The following ERMAP variants were observed in gnomAD, a reference collection of about 807,000 sequenced individuals.
ERMAP encodes erythroid membrane-associated protein.
A neutral mutation model predicts 49.5 loss-of-function variants in ERMAP; 34 were observed. The observed-to-expected ratio is 0.69, with a 90% CI of 0.52 to 0.91. The LOEUF (loss-of-function observed/expected upper bound fraction) is 0.91, where lower values mean the gene tolerates loss of function less well. Ranked by LOEUF, ERMAP falls within the 40% of genes least tolerant of loss-of-function variation. ERMAP has a pLI of 0.00. For missense variants in ERMAP, 541 were observed against 582.6 expected (o/e 0.93, Z 0.74); for synonymous variants, 214 against 232.2 (o/e 0.92, Z 0.71).
intron 2 of ERMAP, among the ~76,000 whole-genome samples, chr1:42,828,000 T>C (rs951365638): frequency 6.6e-6 from 1 of 152,078 alleles, no homozygotes; most frequent in Non-Finnish European, 1.5e-5. Context: ...ATAAGAACTA[T>C]TATTGATTTA....
rs932276375 is a variant in ERMAP, at chr1:42,844,213, T to C, written c.*981T>C. 2.5e-6 allele frequency: 1 copy of C among 398,306 alleles called. No homozygotes were observed. Among genetic ancestry groups the C allele is most frequent in the African/African-American group, 2.1e-5 (1 of 48,618 alleles). 24.7% of individuals were successfully genotyped at this position (398,306 alleles called of 1,614,324 possible). ...AGCCTCTTAGGTTGGAGAGTATTGA[T>C]TTCAAATAGGAAGTTGGTAGACTAG... On this transcript the variant is annotated 3_prime_UTR_variant, in exon 12 of 12. Transcript: ENST00000372517. The surrounding 1 kb of genome is among the most constrained non-coding windows in gnomAD (Gnocchi z 4.0).
intron 1 of ERMAP, among the ~76,000 whole-genome samples, chr1:42,824,039 C>G (rs1472338878): frequency 6.6e-6 from 1 of 152,162 alleles, no homozygotes; most frequent in East Asian, 1.9e-4. Flanking sequence ...CAGGAAATAC[C>G]TATCAAGAAT....
chr1:42,836,913 A>AC (rs1198038128), intron 6 of ERMAP: 5 of 380,184 alleles, frequency 1.3e-5, no homozygotes, highest in Admixed American at 4.4e-5. Context: ...TAAAAAAAAA[A>AC]AAAAAACTAA....
At chr1:42,839,036 G>A in intron 8 of ERMAP, 115 bp downstream of exon 8, 1 of 1,552,186 alleles carries the variant, frequency 6.4e-7, no homozygotes, top group Non-Finnish European at 8.9e-7. Flanking sequence ...GGTAATTCAA[G>A]CCATGGGGAC....
chr1:42,824,098 A>T (rs1447607623), intron 1 of ERMAP, among the ~76,000 whole-genome samples: 1 of 152,074 alleles, frequency 6.6e-6, no homozygotes, highest in Non-Finnish European at 1.5e-5. Flanking sequence ...TAATCCCAGC[A>T]CTTTGGGAGG....
At chr1:42,841,714 C>T (rs1412073017) in intron 11 of ERMAP, among the ~76,000 whole-genome samples, 1 of 152,158 alleles carries the variant, frequency 6.6e-6, no homozygotes, top group Admixed American at 6.5e-5. Flanking sequence ...AGATGAGTAA[C>T]AAGCCCAAGG....
intron 6 of ERMAP, 105 bp downstream of exon 6, chr1:42,835,869 C>A: frequency 6.7e-7 from 1 of 1,492,606 alleles, no homozygotes; most frequent in Non-Finnish European, 8.9e-7. Flanking sequence ...ATTCCATTAT[C>A]TGCTATCCTT....
chr1:42,824,554 GT>G, intron 1 of ERMAP: 1 of 152,310 alleles, frequency 6.6e-6, no homozygotes, highest in South Asian at 2.1e-4. Flanking sequence ...CCAGAACAGA[GT>G]GTGAGGTGTG....
rs771827271 is a variant in ERMAP at position 42,840,293 on chromosome 1, T to G, written c.709T>G (p.Phe237Val). 1.2e-6 allele frequency: 2 copies of G among 1,614,208 alleles called. No homozygotes were observed. The highest frequency in any genetic ancestry group is 1.7e-6 in the Non-Finnish European group (2 of 1,180,038). The stretch of plus-strand genomic sequence containing the variant: ...AGGCTGGAGAAGAGCCCGGTTGCAT[T>G]TTGGTAAGTTATACCAATCAAATAG... ...NSGWRRARLH[F>V]VAVTLDPDTA... Residue 237 changes from phenylalanine (F) to valine (V), a missense_variant, in exon 11 of 12, where the codon TTT becomes GTT. By Grantham distance (50) the Phe-to-Val change is conservative. Coordinates refer to ENST00000372517, the MANE Select transcript of ERMAP (RefSeq NM_001017922.2).
chr1:42,825,412 G>A, intron 1 of ERMAP: 2 of 1,053,748 alleles, frequency 1.9e-6, no homozygotes, highest in South Asian at 5.2e-5. Context: ...GAGTGGAGGG[G>A]CAAACGTGCC....
chr1:42,838,121 A>G (rs945917482), intron 7 of ERMAP, among the ~76,000 whole-genome samples: 1 of 152,206 alleles, frequency 6.6e-6, no homozygotes, highest in Non-Finnish European at 1.5e-5. Context: ...AATTCTAGGC[A>G]TCTCACATTA....
chr1:42,831,569 T>TTCTTTC (rs372195180), intron 4 of ERMAP, among the ~76,000 whole-genome samples: 1 of 94,690 alleles, frequency 1.1e-5, no homozygotes, highest in Admixed American at 1.4e-4. Flanking sequence ...TTTTTTTTTT[T>TTCTTTC]TTTCTCTTTT....
intron 5 of ERMAP, 118 bp downstream of exon 5, chr1:42,835,272 AAGTTGGCTGGGAGAAAACTGGT>A (rs1359159847): frequency 1.5e-6 from 1 of 685,636 alleles, no homozygotes; most frequent in African/African-American, 1.8e-5. Context: ...GGGACACTGC[AAGTTGGCTGGGAGAAAACTGGT>A]AGAGCCATGC....
Position 42,843,351 on chromosome 1 carries a change from T to C in ERMAP, c.*119T>C, listed in dbSNP as rs1340554344. The C allele has an allele frequency of 1.0e-5, 7 of 683,590 alleles. No individual in the cohort carries two copies. Among genetic ancestry groups the C allele is most frequent in the Non-Finnish European group, 1.6e-5 (7 of 426,948 alleles). The allele number at this position is 683,590 out of a possible 1,614,324, so 42.3% of individuals were successfully genotyped here. A position where few individuals can be genotyped will look rare whatever the true frequency, so the allele number is the denominator to read the frequency against. On this transcript the variant is annotated 3_prime_UTR_variant, in exon 12 of 12. Transcript: ENST00000372517. Reference sequence around the variant, plus strand: ...CACCTTAACCCAAATCCAGACCCTTTTGTGGTTTCTATTTGTACCACTTTT... The same window carrying C: ...CACCTTAACCCAAATCCAGACCCTTCTGTGGTTTCTATTTGTACCACTTTT...
chr1:42,830,298 G>A (rs989185416), intron 2 of ERMAP, 146 bp from the exon 3 acceptor site: 1 of 653,826 alleles, frequency 1.5e-6, no homozygotes, highest in Non-Finnish European at 2.7e-6. Context: ...ATCACAAGGA[G>A]GTAAGTAGCA....
intron 1 of ERMAP, 24 bp downstream of exon 1, chr1:42,817,277 A>G (rs1007407959): frequency 1.2e-4 from 147 of 1,231,988 alleles, no homozygotes; most frequent in Non-Finnish European, 1.5e-4. Context: ...TCCCCCGACC[A>G]CTGGACCCAG....
chr1:42,839,922 A>T, intron 8 of ERMAP, 111 bp from the exon 9 acceptor site: 1 of 1,052,904 alleles, frequency 9.5e-7, no homozygotes, highest in Non-Finnish European at 1.4e-6. Flanking sequence ...GTTCCAGGGT[A>T]TAGCTATTGA....
At chr1:42,818,391 AGAG>A (rs1654306346) in intron 1 of ERMAP, among the ~76,000 whole-genome samples, 1 of 152,260 alleles carries the variant, frequency 6.6e-6, no homozygotes, top group Non-Finnish European at 1.5e-5. Context: ...GAGAGGGAAA[AGAG>A]GAATTGTTTA....
At chr1:42,817,794 A>G (rs1654287673) in intron 1 of ERMAP, 2 of 152,252 alleles carry the variant, frequency 1.3e-5, no homozygotes, top group Admixed American at 6.5e-5. Flanking sequence ...GTAAATTAAA[A>G]TAGCTGGCTG....
Sources: allele counts gnomAD v4.1 joint callset (sites outside exome capture counted in the v4.1 genomes callset), GRCh38; gene constraint gnomAD v4.1.1; non-coding constraint Gnocchi (gnomAD v3.1); transcripts MANE v1.5; gene names NCBI Gene and HGNC (gene_info 2026-07-23, HGNC 2026-07-21).